The following FNIP1 variants were observed in gnomAD, a reference collection of about 807,000 sequenced individuals.
The protein encoded by FNIP1 is folliculin interacting protein 1, also known as folliculin-interacting protein 1.
A neutral mutation model predicts 124.5 loss-of-function variants in FNIP1; 40 were observed. The observed-to-expected ratio is 0.32, with a 90% CI of 0.25 to 0.42. FNIP1 has a LOEUF of 0.42. FNIP1 is among the 10% of genes least tolerant of loss of function. FNIP1 has a pLI of 1.00. For missense variants in FNIP1, 1,176 were observed against 1,403.7 expected, an observed-to-expected ratio of 0.84 and a Z score of 2.59; for synonymous variants, 472 against 470.6, an observed-to-expected ratio of 1.00 and a Z score of -0.04.
At chr5:131,646,748 A>G (rs140649234) in intron 17 of FNIP1, among the ~76,000 whole-genome samples, 1 of 152,322 alleles carries the variant, frequency 6.6e-6, no homozygotes, top group African/African-American at 2.4e-5. Context: ...TGTTACCTCA[A>G]CCAGCTCATG....
At chr5:131,741,829 C>T (rs1288237883) in intron 2 of FNIP1, among the ~76,000 whole-genome samples, 2 of 152,194 alleles carry the variant, frequency 1.3e-5, no homozygotes, top group African/African-American at 2.4e-5. Context: ...TAAATACACT[C>T]AAACATATTG....
Position 131,779,531 on chromosome 5 carries a change from T to A in FNIP1, c.92+17299A>T, listed in dbSNP as rs1421369926. 2.8e-3 allele frequency among the ~76,000 whole-genome samples: 394 copies of A among 139,986 alleles called. 2 individuals are homozygous for A. The highest frequency in any genetic ancestry group is 9.6e-3 in the African/African-American group (364 of 37,856). 91.8% of individuals were successfully genotyped at this position (139,986 alleles called of 152,430 possible). A position where few individuals can be genotyped will look rare whatever the true frequency, so the allele number is the denominator to read the frequency against. Reference sequence around the variant, plus strand: ...CACTTCTAGTTAAAAAAAAAAAAAATACAAAAATTAGCCAGGCATGGCGGC... The same window carrying A: ...CACTTCTAGTTAAAAAAAAAAAAAAAACAAAAATTAGCCAGGCATGGCGGC... On this transcript the variant is annotated intron_variant, in intron 1 of 17. Coordinates refer to ENST00000510461, the MANE Select transcript of FNIP1 (RefSeq NM_133372.3).
chr5:131,689,028 C>G (rs1768384820), intron 11 of FNIP1, among the ~76,000 whole-genome samples: 1 of 151,662 alleles, frequency 6.6e-6, no homozygotes, highest in Non-Finnish European at 1.5e-5. Context: ...AAATCTACTC[C>G]TATATATATC....
At chr5:131,657,328 A>G (rs1235213442) in intron 15 of FNIP1, among the ~76,000 whole-genome samples, 4 of 152,160 alleles carry the variant, frequency 2.6e-5, no homozygotes, top group African/African-American at 9.7e-5. Context: ...TCTAAAATCA[A>G]GAAGTACCTT....
intron 15 of FNIP1, among the ~76,000 whole-genome samples, chr5:131,658,935 A>AAAAAAAAC (rs1767300896): frequency 6.8e-6 from 1 of 147,364 alleles, no homozygotes; most frequent in Non-Finnish European, 1.5e-5. Context: ...AAAAAAAAAA[A>AAAAAAAAC]ATCACCACCA....
At chr5:131,787,265 G>A (rs1772247553) in intron 1 of FNIP1, among the ~76,000 whole-genome samples, 1 of 152,186 alleles carries the variant, frequency 6.6e-6, no homozygotes, top group Non-Finnish European at 1.5e-5. Flanking sequence ...TTGTCTCCTA[G>A]GCAGAGTGGT....
chr5:131,666,629 C>T (rs894535882), intron 15 of FNIP1, among the ~76,000 whole-genome samples: 1 of 152,080 alleles, frequency 6.6e-6, no homozygotes, highest in African/African-American at 2.4e-5. Flanking sequence ...TGAGCCATAT[C>T]TGAAACACAA....
chr5:131,780,357 CAT>C (rs1771955142), intron 1 of FNIP1, among the ~76,000 whole-genome samples: 1 of 152,148 alleles, frequency 6.6e-6, no homozygotes, highest in African/African-American at 2.4e-5. Flanking sequence ...TCCCTGGAAG[CAT>C]AAAGTACCTT....
chr5:131,685,717 G>T (rs1339863725), intron 11 of FNIP1, among the ~76,000 whole-genome samples: 1 of 151,928 alleles, frequency 6.6e-6, no homozygotes, highest in Non-Finnish European at 1.5e-5. Flanking sequence ...GCCTATCAAA[G>T]TGCTGGGATT....
chr5:131,774,099 TCA>T (rs1771728021), intron 1 of FNIP1, among the ~76,000 whole-genome samples: 1 of 152,356 alleles, frequency 6.6e-6, no homozygotes, highest in East Asian at 1.9e-4. Context: ...TGATCATAGC[TCA>T]CAGCAACTTT....
intron 3 of FNIP1, among the ~76,000 whole-genome samples, chr5:131,720,954 G>A (rs1474626012): frequency 6.6e-6 from 1 of 152,194 alleles, no homozygotes. Context: ...GAACTACCAT[G>A]TGATCTGGCA....
intron 1 of FNIP1, among the ~76,000 whole-genome samples, chr5:131,772,435 A>G (rs1011288668): frequency 2.3e-5 from 3 of 131,910 alleles, no homozygotes; most frequent in Non-Finnish European, 5.1e-5. Flanking sequence ...AAAAAAAAAA[A>G]AATTACTGTA....
At chr5:131,726,523 C>T (rs541185480) in intron 3 of FNIP1, among the ~76,000 whole-genome samples, 55 of 151,838 alleles carry the variant, frequency 3.6e-4, no homozygotes, top group South Asian at 1.2e-3. Flanking sequence ...GGGATCAACA[C>T]GTTTCTTATT....
At chr5:131,678,045 T>G (rs1296924946) in intron 12 of FNIP1, among the ~76,000 whole-genome samples, 173 bp from the exon 13 acceptor site, 1 of 152,114 alleles carries the variant, frequency 6.6e-6, no homozygotes, top group Non-Finnish European at 1.5e-5. Context: ...AAAATGAAAG[T>G]TAATAGTTTC....
At chr5:131,650,428 G>A (rs1422041877) in intron 16 of FNIP1, among the ~76,000 whole-genome samples, 8 of 152,080 alleles carry the variant, frequency 5.3e-5, no homozygotes, top group African/African-American at 9.7e-5. Flanking sequence ...TTCATTGTTC[G>A]AATAAGTATA....
At chr5:131,741,949 G>C (rs996706804) in intron 2 of FNIP1, among the ~76,000 whole-genome samples, 2 of 152,172 alleles carry the variant, frequency 1.3e-5, no homozygotes, top group South Asian at 4.1e-4. Context: ...AGCCTGAAGA[G>C]GGAGGACTGC....
chr5:131,739,828 A>AAAAAC (rs1554097670), intron 2 of FNIP1, among the ~76,000 whole-genome samples: 61 of 151,462 alleles, frequency 4.0e-4, no homozygotes, highest in African/African-American at 1.5e-3. Context: ...AAAAAAAAAA[A>AAAAAC]AAAAAAAAAC....
intron 11 of FNIP1, among the ~76,000 whole-genome samples, chr5:131,679,971 C>T (rs542359046): frequency 3.9e-5 from 6 of 152,200 alleles, no homozygotes; most frequent in Non-Finnish European, 7.3e-5. Flanking sequence ...ACTAGTCAAT[C>T]CTGGAGAACT....
rs551564662 is a variant in FNIP1, at chr5:131,712,415, C to A, written c.623-1754G>T. Among the ~76,000 whole-genome samples the A allele has an allele frequency of 1.8e-4, 27 of 152,294 alleles. No homozygotes were observed. The South Asian group carries it at 5.4e-3, about 30-fold the overall frequency. The stretch of plus-strand genomic sequence containing the variant: ...AATGTCATCCAAGGACCCGTTGGGT[C>A]CCCGAGACTTTCAGGGGGTCTGCGA... On this transcript the variant is annotated intron_variant, in intron 6 of 17. Coordinates refer to ENST00000510461, the MANE Select transcript of FNIP1 (RefSeq NM_133372.3).
Sources: gnomAD v4.1 joint callset for allele counts (sites outside exome capture counted in the v4.1 genomes callset) on GRCh38, gnomAD v4.1.1 for gene constraint, MANE v1.5 for transcripts, NCBI Gene and HGNC (gene_info 2026-07-23, HGNC 2026-07-21) for gene names.